CR1L: variants seen among roughly 807,000 people sequenced by gnomAD.
The protein encoded by CR1L is complement component receptor 1-like protein.
In CR1L, 59 loss-of-function variants were observed where a neutral mutation model predicts 62.3. The ratio of observed to expected loss-of-function variants is 0.95; its 90% CI spans 0.77 to 1.18. CR1L has a LOEUF of 1.18. CR1L is among the 50% of genes most tolerant of loss of function. The probability of loss-of-function intolerance (pLI) is 0.00; values close to 1 mark genes in which losing one functional copy is unlikely to be tolerated. For missense variants in CR1L, 700 were observed against 702.8 expected (o/e 1.00, Z 0.04); for synonymous variants, 279 against 248.7 (o/e 1.12, Z -1.15).
intron 1 of CR1L, among the ~76,000 whole-genome samples, chr1:207,661,362 C>T (rs1418325406): frequency 3.3e-5 from 5 of 152,168 alleles, no homozygotes; most frequent in Non-Finnish European, 7.3e-5. Context: ...GGATAGTTAG[C>T]TCTTCTTGTT....
chr1:207,711,105 C>T (rs1009902989), intron 10 of CR1L, among the ~76,000 whole-genome samples: 4 of 152,144 alleles, frequency 2.6e-5, no homozygotes, highest in Admixed American at 2.0e-4. Flanking sequence ...TCAGCTGTGC[C>T]CTAAGCACTT....
chr1:207,695,390 A>G (rs980036714), intron 5 of CR1L, among the ~76,000 whole-genome samples: 1 of 152,188 alleles, frequency 6.6e-6, no homozygotes, highest in African/African-American at 2.4e-5. Context: ...TGGGCCTCCC[A>G]AAGTGCTGAG....
In CR1L at chr1:207,693,110, G is replaced by T. The variant is rs1425284692; in HGVS notation, c.464-1243G>T. On this transcript the variant is annotated intron_variant, in intron 4 of 11. Transcript: ENST00000508064. The stretch of plus-strand genomic sequence containing the variant: ...AATAGATTTTTTACAATATTACTAT[G>T]TTGTGTCTAGGTAAGTATTTCTTTG... Among the ~76,000 whole-genome samples the T allele has an allele frequency of 3.3e-5, 5 of 152,098 alleles. No homozygotes were observed. In the East Asian group the frequency reaches 9.6e-4, roughly 29 times the overall value.
chr1:207,671,927 AAAAAT>A (rs554152324), intron 1 of CR1L, among the ~76,000 whole-genome samples: 4 of 150,922 alleles, frequency 2.7e-5, no homozygotes, highest in Non-Finnish European at 5.9e-5. Flanking sequence ...TCTCAAAAAT[AAAAAT>A]AAAATAAAAT....
intron 1 of CR1L, among the ~76,000 whole-genome samples, chr1:207,661,081 G>C (rs1663412196): frequency 6.6e-6 from 1 of 152,150 alleles, no homozygotes; most frequent in Non-Finnish European, 1.5e-5. Flanking sequence ...GGTCAATTTT[G>C]GAATAAGTGT....
At chr1:207,676,351 C>A (rs1309476052) in intron 1 of CR1L, among the ~76,000 whole-genome samples, 2 of 152,140 alleles carry the variant, frequency 1.3e-5, no homozygotes, top group Non-Finnish European at 2.9e-5. Context: ...CTGTTAGGAA[C>A]TGAGCAGAAC....
rs185058412 is a variant in CR1L at position 207,664,243 on chromosome 1, C to T, written c.98-13146C>T. 4.2e-3 allele frequency among the ~76,000 whole-genome samples: 638 copies of T among 152,306 alleles called. 5 individuals are homozygous for T. Among genetic ancestry groups the T allele is most frequent in the African/African-American group, 0.014 (566 of 41,568 alleles). ...TAATTGTAGGAAGAGCATTAGCCTG[C>T]GTAGACTATGCTTAATTAACATCAT... On this transcript the variant is annotated intron_variant, in intron 1 of 11. Coordinates refer to ENST00000508064, the MANE Select transcript of CR1L (RefSeq NM_175710.2).
intron 4 of CR1L, among the ~76,000 whole-genome samples, chr1:207,694,095 C>T (rs1229043293): frequency 6.6e-6 from 1 of 152,002 alleles, no homozygotes; most frequent in Non-Finnish European, 1.5e-5. Flanking sequence ...CTCTATAATA[C>T]TATAATCAAA....
chr1:207,659,984 G>A (rs949828584), intron 1 of CR1L, among the ~76,000 whole-genome samples: 9 of 152,084 alleles, frequency 5.9e-5, no homozygotes, highest in African/African-American at 1.9e-4. Flanking sequence ...TTGACTGGGC[G>A]GTTCTATGCT....
chr1:207,654,516 G>A (rs1453263930), intron 1 of CR1L, among the ~76,000 whole-genome samples: 1 of 152,112 alleles, frequency 6.6e-6, no homozygotes, highest in Non-Finnish European at 1.5e-5. Flanking sequence ...TCCAGAAGGA[G>A]GAGAGATTCC....
intron 1 of CR1L, among the ~76,000 whole-genome samples, chr1:207,645,911 G>C (rs895592285): frequency 1.1e-4 from 16 of 152,338 alleles, no homozygotes; most frequent in Admixed American, 7.2e-4. Context: ...CCTGTGTGCG[G>C]AGTTCACTGT....
At chr1:207,673,514 G>T (rs530755447) in intron 1 of CR1L, among the ~76,000 whole-genome samples, 4 of 152,320 alleles carry the variant, frequency 2.6e-5, no homozygotes, top group African/African-American at 4.8e-5. Flanking sequence ...TGTGTTAATT[G>T]TGCGTATAGC....
chr1:207,655,154 C>A (rs1230669651), intron 1 of CR1L: 10 of 493,654 alleles, frequency 2.0e-5, no homozygotes, highest in African/African-American at 9.9e-5. Flanking sequence ...TTATTAATTG[C>A]TATACAAAAC....
chr1:207,703,270 A>G (rs1213862339), intron 9 of CR1L, among the ~76,000 whole-genome samples: 3 of 152,246 alleles, frequency 2.0e-5, no homozygotes, highest in African/African-American at 7.2e-5. Flanking sequence ...GCCTGGGTTC[A>G]AAGCTTCAAA....
intron 9 of CR1L, among the ~76,000 whole-genome samples, chr1:207,703,956 A>AAAAAAGAAAAAG (rs146144083): frequency 3.3e-5 from 5 of 151,742 alleles, no homozygotes; most frequent in Non-Finnish European, 7.4e-5. Context: ...TTCAACTCAA[A>AAAAAAGAAAAAG]AAAAAGAAAA....
At chr1:207,698,894 G>C (rs1279711643) in intron 7 of CR1L, among the ~76,000 whole-genome samples, 1 of 152,172 alleles carries the variant, frequency 6.6e-6, no homozygotes, top group East Asian at 1.9e-4. Context: ...TAATGACAAT[G>C]AGTAATCAGT....
At chr1:207,689,099 T>G (rs1663956687) in intron 4 of CR1L, among the ~76,000 whole-genome samples, 1 of 152,144 alleles carries the variant, frequency 6.6e-6, no homozygotes, top group South Asian at 2.1e-4. Flanking sequence ...TCACAAATCA[T>G]GATGTATGCT....
At chr1:207,687,695 G>A (rs1663933935) in intron 4 of CR1L, among the ~76,000 whole-genome samples, 1 of 152,208 alleles carries the variant, frequency 6.6e-6, no homozygotes, top group African/African-American at 2.4e-5. Context: ...TTATTATATT[G>A]TATTTCACTG....
intron 7 of CR1L, among the ~76,000 whole-genome samples, chr1:207,698,950 T>A (rs1664149939): frequency 6.6e-6 from 1 of 152,214 alleles, no homozygotes; most frequent in Non-Finnish European, 1.5e-5. Flanking sequence ...GTGGCTATTT[T>A]GTGACCACCT....
Sources: allele counts gnomAD v4.1 joint callset (sites outside exome capture counted in the v4.1 genomes callset), GRCh38; gene constraint gnomAD v4.1.1; transcripts MANE v1.5; gene names NCBI Gene and HGNC (gene_info 2026-07-23, HGNC 2026-07-21).